Variants in CHRM3 observed in about 807,000 individuals in gnomAD.
The protein encoded by CHRM3 is muscarinic acetylcholine receptor M3.
A neutral mutation model predicts 41.8 loss-of-function variants in CHRM3; 11 were observed. That is an observed-to-expected ratio of 0.26 (90% CI 0.17 to 0.44). The LOEUF is 0.44. Among genes scored for constraint, CHRM3 ranks in the 20% least tolerant of loss-of-function variants. The pLI, the probability that CHRM3 is intolerant of heterozygous loss-of-function variation, is 1.00. For missense variants in CHRM3, 571 were observed against 745.4 expected, an observed-to-expected ratio of 0.77 and a Z score of 2.72; for synonymous variants, 297 against 301.4, an observed-to-expected ratio of 0.99 and a Z score of 0.15.
intron 4 of CHRM3, among the ~76,000 whole-genome samples, chr1:239,656,119 GA>G: frequency 6.6e-6 from 1 of 152,010 alleles, no homozygotes; most frequent in Admixed American, 6.6e-5. Context: ...TGGGCACAAA[GA>G]AGGAAAGGAT....
chr1:239,459,271 A>G (rs909033412), intron 1 of CHRM3, among the ~76,000 whole-genome samples: 5 of 151,678 alleles, frequency 3.3e-5, no homozygotes, highest in Non-Finnish European at 7.4e-5. Flanking sequence ...TAAAGCCAAG[A>G]AAAAAAACAT....
chr1:239,875,320 GC>G (rs1201641652), intron 6 of CHRM3, among the ~76,000 whole-genome samples: 2 of 152,174 alleles, frequency 1.3e-5, no homozygotes, highest in Non-Finnish European at 2.9e-5. Flanking sequence ...TTTAGGCTTT[GC>G]CATCGCAAGG....
At chr1:239,674,434 G>A (rs752794671) in intron 4 of CHRM3, among the ~76,000 whole-genome samples, 7 of 152,070 alleles carry the variant, frequency 4.6e-5, no homozygotes, top group Non-Finnish European at 1.0e-4. Flanking sequence ...CACTGGCTGG[G>A]CGCGGTGGCT....
chr1:239,396,987 C>G (rs1337398081), intron 1 of CHRM3, among the ~76,000 whole-genome samples: 1 of 152,176 alleles, frequency 6.6e-6, no homozygotes, highest in Non-Finnish European at 1.5e-5. Flanking sequence ...CTTTGAATTT[C>G]TGATCACTTA....
intron 1 of CHRM3, among the ~76,000 whole-genome samples, chr1:239,477,924 T>C (rs1666574503): frequency 6.6e-6 from 1 of 152,060 alleles, no homozygotes. Context: ...TGAGAGACAT[T>C]CCCTTGAGGT....
chr1:239,431,549 C>T (rs1355129119), intron 1 of CHRM3, among the ~76,000 whole-genome samples: 3 of 152,180 alleles, frequency 2.0e-5, no homozygotes, highest in Admixed American at 6.5e-5. Flanking sequence ...AGCTCAGACA[C>T]AGCTTTTTGA....
rs972076320 is a variant in CHRM3 at position 239,552,499 on chromosome 1, T to C, written c.-313+6750T>C. 4.9e-5 allele frequency among the ~76,000 whole-genome samples: 7 copies of C among 142,824 alleles called. No homozygotes were observed. The East Asian group carries it at 8.0e-4, about 16-fold the overall frequency. 93.7% of individuals were successfully genotyped at this position (142,824 alleles called of 152,430 possible). A position where few individuals can be genotyped will look rare whatever the true frequency, so the allele number is the denominator to read the frequency against. On this transcript the variant is annotated intron_variant, in intron 3 of 6. Transcript: ENST00000676153. ...GATATATATCATACTTTACATAAAATATATATTTTATATATATATATATAA... is the reference window on the plus strand; with the variant it reads ...GATATATATCATACTTTACATAAAACATATATTTTATATATATATATATAA...
At chr1:239,751,733 T>A (rs1665847329) in intron 5 of CHRM3, among the ~76,000 whole-genome samples, 1 of 152,138 alleles carries the variant, frequency 6.6e-6, no homozygotes, top group African/African-American at 2.4e-5. Flanking sequence ...CACCAAGTTA[T>A]TCAAGGAGCC....
intron 5 of CHRM3, among the ~76,000 whole-genome samples, chr1:239,797,903 G>T (rs546395399): frequency 2.6e-5 from 4 of 152,232 alleles, no homozygotes; most frequent in Non-Finnish European, 2.9e-5. Flanking sequence ...TAACAAATTA[G>T]CTGGGCCTAG....
chr1:239,488,838 TAA>T (rs1049963309), intron 1 of CHRM3, among the ~76,000 whole-genome samples: 7 of 151,488 alleles, frequency 4.6e-5, no homozygotes, highest in Non-Finnish European at 1.0e-4. Context: ...ATACTGTACT[TAA>T]GTTACAATTT....
At chr1:239,830,143 C>A (rs1005207722) in intron 6 of CHRM3, among the ~76,000 whole-genome samples, 1 of 152,118 alleles carries the variant, frequency 6.6e-6, no homozygotes, top group African/African-American at 2.4e-5. Flanking sequence ...CTGCCCTGCT[C>A]ATTTAGTGGG....
At chr1:239,666,727 G>C (rs1387617728) in intron 4 of CHRM3, among the ~76,000 whole-genome samples, 2 of 152,016 alleles carry the variant, frequency 1.3e-5, no homozygotes, top group Non-Finnish European at 2.9e-5. Flanking sequence ...TTTGTTACCT[G>C]GTTATACTGT....
At chr1:239,700,401 A>G (rs1389443520) in intron 5 of CHRM3, among the ~76,000 whole-genome samples, 1 of 152,156 alleles carries the variant, frequency 6.6e-6, no homozygotes, top group Admixed American at 6.6e-5. Flanking sequence ...ACAGATATTC[A>G]TCTTTGACCA....
intron 1 of CHRM3, among the ~76,000 whole-genome samples, chr1:239,447,118 A>G (rs1664206835): frequency 6.6e-6 from 1 of 152,202 alleles, no homozygotes; most frequent in Non-Finnish European, 1.5e-5. Flanking sequence ...CGTGCAATCA[A>G]TTTCATCACC....
At chr1:239,565,949 C>T (rs1166190443) in intron 3 of CHRM3, among the ~76,000 whole-genome samples, 2 of 142,096 alleles carry the variant, frequency 1.4e-5, no homozygotes, top group Admixed American at 7.2e-5. Flanking sequence ...GTCTCCCACT[C>T]AGTTGCCCAA....
intron 6 of CHRM3, among the ~76,000 whole-genome samples, chr1:239,853,197 A>G (rs1216129836): frequency 2.0e-5 from 3 of 151,902 alleles, no homozygotes; most frequent in Non-Finnish European, 2.9e-5. Context: ...ATTTATAAAT[A>G]TATATTTTAT....
intron 2 of CHRM3, among the ~76,000 whole-genome samples, chr1:239,543,609 G>A (rs1658998248): frequency 6.6e-6 from 1 of 151,750 alleles, no homozygotes; most frequent in East Asian, 1.9e-4. Context: ...CCGGGTTCAC[G>A]CCATTCTCCT....
intron 1 of CHRM3, among the ~76,000 whole-genome samples, chr1:239,453,416 T>A (rs1216981651): frequency 6.6e-6 from 1 of 152,218 alleles, no homozygotes; most frequent in Non-Finnish European, 1.5e-5. Flanking sequence ...TAGAAATTGA[T>A]TGATTTCTTT....
chr1:239,631,412 G>A (rs541400542), intron 3 of CHRM3, among the ~76,000 whole-genome samples: 18 of 151,974 alleles, frequency 1.2e-4, no homozygotes, highest in East Asian at 3.9e-4. Flanking sequence ...TGGTGTCACC[G>A]TCACCATGCT....
Sources: gnomAD v4.1 joint callset for allele counts (sites outside exome capture counted in the v4.1 genomes callset) on GRCh38, gnomAD v4.1.1 for gene constraint, MANE v1.5 for transcripts, NCBI Gene and HGNC (gene_info 2026-07-23, HGNC 2026-07-21) for gene names.